The following MLLT3 variants were observed in gnomAD, a reference collection of about 807,000 sequenced individuals.
MLLT3 encodes the protein MLLT3 super elongation complex subunit.
Under a neutral mutation model 53.2 loss-of-function variants are expected in MLLT3, and 4 were observed. That is an observed-to-expected ratio of 0.08 (90% confidence interval 0.04 to 0.17). The LOEUF (loss-of-function observed/expected upper bound fraction) is 0.17. MLLT3 is among the 10% of genes least tolerant of loss of function. The pLI is 1.00. For missense variants in MLLT3, 569 were observed against 684.0 expected (o/e 0.83, Z 1.87); for synonymous variants, 283 against 230.6 (o/e 1.23, Z -2.06).
intron 2 of MLLT3, among the ~76,000 whole-genome samples, chr9:20,567,828 T>C (rs1005983504): frequency 2.6e-5 from 4 of 152,138 alleles, no homozygotes; most frequent in Non-Finnish European, 5.9e-5. Context: ...ACCCTGAAAC[T>C]AACAGGTCTT....
chr9:20,378,103 T>C (rs533859638), intron 5 of MLLT3, among the ~76,000 whole-genome samples: 1 of 151,156 alleles, frequency 6.6e-6, no homozygotes, highest in African/African-American at 2.5e-5. Flanking sequence ...AAGACCTCTT[T>C]TCATATTAGT....
At chr9:20,574,880 C>G (rs1353816871) in intron 2 of MLLT3, among the ~76,000 whole-genome samples, 2 of 152,212 alleles carry the variant, frequency 1.3e-5, no homozygotes, top group Admixed American at 6.6e-5. Context: ...AGTCAATTAT[C>G]TCAAACCCTG....
At chr9:20,469,551 A>G (rs749266899) in intron 2 of MLLT3, among the ~76,000 whole-genome samples, 4 of 152,066 alleles carry the variant, frequency 2.6e-5, no homozygotes, top group Non-Finnish European at 5.9e-5. Context: ...TGCCCTATTC[A>G]AGGAGATGAA....
rs114393379 is a variant in MLLT3, at chr9:20,368,081, C to G, written c.1126-2337G>C. The stretch of plus-strand genomic sequence containing the variant: ...GCCTACCAACCCTTCAGCACTGTAA[C>G]ATTTACTTGAGTACTGTAGCACAAT... On this transcript the variant is annotated intron_variant, in intron 5 of 10. Transcript: ENST00000380338. Among the ~76,000 whole-genome samples the G allele has an allele frequency of 6.2e-3, 938 of 152,342 alleles. 13 individuals are homozygous for G. Among genetic ancestry groups the G allele is most frequent in the African/African-American group, 0.022 (901 of 41,576 alleles).
chr9:20,482,386 G>T (rs1204688378), intron 2 of MLLT3, among the ~76,000 whole-genome samples: 1 of 152,102 alleles, frequency 6.6e-6, no homozygotes, highest in Admixed American at 6.5e-5. Flanking sequence ...ACTTTGCAAT[G>T]GTCATCCACT....
At chr9:20,367,628 T>G (rs1197104144) in intron 5 of MLLT3, among the ~76,000 whole-genome samples, 3 of 152,196 alleles carry the variant, frequency 2.0e-5, no homozygotes, top group Non-Finnish European at 1.5e-5. Flanking sequence ...TAAATTTATT[T>G]CACAATAACT....
chr9:20,344,408 T>C lies in MLLT3; in HGVS notation c.*2035A>G, dbSNP rs796495412. Reference sequence around the variant, plus strand: ...TAAAATATTTTAAAAATTTGCAACATTTCCATATAAACATTACCCTCCCCT... The same window carrying C: ...TAAAATATTTTAAAAATTTGCAACACTTCCATATAAACATTACCCTCCCCT... On this transcript the variant is annotated 3_prime_UTR_variant, in exon 11 of 11. Coordinates refer to ENST00000380338, the MANE Select transcript of MLLT3 (RefSeq NM_004529.4). 2 of 212,426 alleles carry C rather than the reference T, an allele frequency of 9.4e-6. No homozygotes were observed. Among genetic ancestry groups the C allele is most frequent in the African/African-American group, 4.5e-5 (2 of 44,348 alleles). 13.2% of individuals were successfully genotyped at this position (212,426 alleles called of 1,614,324 possible).
At chr9:20,516,478 C>T (rs1817922969) in intron 2 of MLLT3, among the ~76,000 whole-genome samples, 1 of 152,178 alleles carries the variant, frequency 6.6e-6, no homozygotes, top group African/African-American at 2.4e-5. Flanking sequence ...CCTTGTTATT[C>T]CTCATTTTCT....
At chr9:20,616,090 T>C (rs892878521) in intron 2 of MLLT3, among the ~76,000 whole-genome samples, 1 of 152,144 alleles carries the variant, frequency 6.6e-6, no homozygotes, top group African/African-American at 2.4e-5. Context: ...TATGCGTTCT[T>C]CAATTTGTAA....
At position 20,621,383 on chromosome 9, in the gene MLLT3, C is replaced by A. The variant is rs892995815; in HGVS notation, c.13-549G>T. ...TACAGGCAGCCTCTGCTGATGGGCA[C>A]AAACTCCCGTGCTCTTGCCACGGGG... On this transcript the variant is annotated intron_variant, in intron 1 of 10. Coordinates refer to ENST00000380338, the MANE Select transcript of MLLT3 (RefSeq NM_004529.4). This position sits in a 1 kb window ranked among gnomAD's most constrained non-coding sequence, Gnocchi z 7.0. Among the ~76,000 whole-genome samples, 1 of 152,100 alleles carries A rather than the reference C, an allele frequency of 6.6e-6. No homozygotes were observed. Among genetic ancestry groups the A allele is most frequent in the African/African-American group, 2.4e-5 (1 of 41,428 alleles).
chr9:20,526,015 T>C (rs763256357), intron 2 of MLLT3, among the ~76,000 whole-genome samples: 1 of 152,146 alleles, frequency 6.6e-6, no homozygotes, highest in Non-Finnish European at 1.5e-5. Flanking sequence ...AAGCATTGCT[T>C]TGGAGAAGAT....
At position 20,342,896 on chromosome 9, in the gene MLLT3, C is replaced by T. The variant is rs145832476; in HGVS notation, c.*3547G>A. ...CAGTACATAGCATTAGTACACAAAACGCTAAAGGTGGAAAGTAATAAGCAT... is the reference window on the plus strand; with the variant it reads ...CAGTACATAGCATTAGTACACAAAATGCTAAAGGTGGAAAGTAATAAGCAT... On this transcript the variant is annotated 3_prime_UTR_variant, in exon 11 of 11. Transcript: ENST00000380338. 9.7e-3 allele frequency: 1,775 copies of T among 182,228 alleles called. 22 individuals are homozygous for T. Among genetic ancestry groups the T allele is most frequent in the Non-Finnish European group, 0.012 (1,088 of 87,200 alleles). 11.3% of individuals were successfully genotyped at this position (182,228 alleles called of 1,614,324 possible). A position where few individuals can be genotyped will look rare whatever the true frequency, so the allele number is the denominator to read the frequency against.
At chr9:20,455,656 T>C (rs1182139363) in intron 3 of MLLT3, among the ~76,000 whole-genome samples, 2 of 152,216 alleles carry the variant, frequency 1.3e-5, no homozygotes, top group Non-Finnish European at 2.9e-5. Flanking sequence ...GCCAATTACC[T>C]GACTTTTCAG....
chr9:20,423,403 G>T (rs1244196876), intron 4 of MLLT3, among the ~76,000 whole-genome samples: 1 of 152,104 alleles, frequency 6.6e-6, no homozygotes, highest in Non-Finnish European at 1.5e-5. Flanking sequence ...TTTATTTCCA[G>T]TAGAGGGGGT....
chr9:20,344,269 C>G lies in MLLT3; in HGVS notation c.*2174G>C, dbSNP rs1047825250. 5.0e-6 allele frequency: 1 copy of G among 198,994 alleles called. No homozygotes were observed. The highest frequency in any genetic ancestry group is 2.3e-5 in the African/African-American group (1 of 43,372). The allele number at this position is 198,994 out of a possible 1,614,324, so 12.3% of individuals were successfully genotyped here. On this transcript the variant is annotated 3_prime_UTR_variant, in exon 11 of 11. Coordinates refer to ENST00000380338, the MANE Select transcript of MLLT3 (RefSeq NM_004529.4). ...TATTTTTTGCCCCACAATTTAGTTA[C>G]AGAAATAAAAATGGCCCAAACTACA... is the stretch of plus-strand genomic sequence containing the variant.
chr9:20,536,999 G>C (rs1443334280), intron 2 of MLLT3, among the ~76,000 whole-genome samples: 2 of 152,164 alleles, frequency 1.3e-5, no homozygotes, highest in Admixed American at 6.5e-5. Flanking sequence ...GAAGGTTTCA[G>C]AAACACAAAC....
At chr9:20,380,988 G>A (rs1821895423) in intron 5 of MLLT3, among the ~76,000 whole-genome samples, 1 of 151,888 alleles carries the variant, frequency 6.6e-6, no homozygotes, top group African/African-American at 2.4e-5. Context: ...AGGAGGAAGG[G>A]GAGAGACTAG....
Position 20,360,853 on chromosome 9 carries a change from C to A in MLLT3, c.1332-12G>T, listed in dbSNP as rs373140218. 3 of 1,608,022 alleles carry A rather than the reference C, an allele frequency of 1.9e-6. No homozygotes were observed. Among genetic ancestry groups the A allele is most frequent in the Non-Finnish European group, 2.6e-6 (3 of 1,174,570 alleles). ...CACTTAAGCTAACTCTGAAAAGAAA[C>A]AGACAAGTTATGCACATCATTACAA... On this transcript the variant is annotated splice_polypyrimidine_tract_variant and intron_variant, in intron 7 of 10. Coordinates refer to ENST00000380338, the MANE Select transcript of MLLT3 (RefSeq NM_004529.4).
In MLLT3 at chr9:20,345,806, A is replaced by C. The variant is rs995271022; in HGVS notation, c.*637T>G. ...ATCAAGGTGGCTATTTGGTCCCCCC[A>C]GTTGATAATCTGTGTCCTGGAACTG... On this transcript the variant is annotated 3_prime_UTR_variant, in exon 11 of 11. Coordinates refer to ENST00000380338, the MANE Select transcript of MLLT3 (RefSeq NM_004529.4). 4.5e-6 allele frequency: 1 copy of C among 223,030 alleles called. No individual in the cohort carries two copies. The highest frequency in any genetic ancestry group is 9.0e-6 in the Non-Finnish European group (1 of 111,280). 13.8% of individuals were successfully genotyped at this position (223,030 alleles called of 1,614,324 possible).
Sources: allele counts gnomAD v4.1 joint callset (sites outside exome capture counted in the v4.1 genomes callset), GRCh38; gene constraint gnomAD v4.1.1; non-coding constraint Gnocchi (gnomAD v3.1); transcripts MANE v1.5; gene names NCBI Gene and HGNC (gene_info 2026-07-23, HGNC 2026-07-21).